TTC39B: variants seen among roughly 807,000 people sequenced by gnomAD.
TTC39B encodes tetratricopeptide repeat protein 39B.
Under a neutral mutation model 96.6 loss-of-function variants are expected in TTC39B, and 92 were observed. The ratio of observed to expected loss-of-function variants is 0.95; its 90% CI spans 0.80 to 1.13. The LOEUF is 1.13. TTC39B is among the 50% of genes most tolerant of loss of function. TTC39B has a pLI of 0.00. For synonymous variants in TTC39B, 367 were observed against 299.4 expected (o/e 1.23, Z -2.33); for missense variants, 955 against 809.3 (o/e 1.18, Z -2.18).
chr9:15,210,118 A>G (rs1334387008), exon 6 of TTC39B: 2 of 1,608,294 alleles, frequency 1.2e-6, no homozygotes, highest in Non-Finnish European at 1.7e-6. Context: ...GATCCTCTAG[A>G]AAGAAGACTT....
At chr9:15,303,889 C>A (rs1407902568) in intron 1 of TTC39B, among the ~76,000 whole-genome samples, 6 of 152,164 alleles carry the variant, frequency 3.9e-5, no homozygotes, top group Non-Finnish European at 8.8e-5. Context: ...CCCGCCTCAG[C>A]CTCCCAAAGT....
chr9:15,214,399 C>T (rs1303409518), intron 3 of TTC39B, 150 bp from the exon 4 acceptor site: 2 of 607,162 alleles, frequency 3.3e-6, no homozygotes, highest in South Asian at 2.3e-5. Flanking sequence ...GGAGACAGGA[C>T]AGGCTGGTTA....
intron 2 of TTC39B, among the ~76,000 whole-genome samples, chr9:15,230,212 C>A (rs1821347130): frequency 6.6e-6 from 1 of 152,128 alleles, no homozygotes; most frequent in African/African-American, 2.4e-5. Flanking sequence ...ACGGCTCTAA[C>A]TTTTAAGTTT....
chr9:15,284,060 T>C (rs2131588455), intron 1 of TTC39B, among the ~76,000 whole-genome samples: 1 of 152,300 alleles, frequency 6.6e-6, no homozygotes, highest in African/African-American at 2.4e-5. Context: ...AAACAATTAC[T>C]ATTTAGAATA....
intron 2 of TTC39B, among the ~76,000 whole-genome samples, chr9:15,257,454 A>C (rs1318435502): frequency 6.6e-6 from 1 of 150,848 alleles, no homozygotes; most frequent in East Asian, 1.9e-4. Flanking sequence ...GTCATATTAA[A>C]AATTTTTTTT....
At chr9:15,246,554 G>T (rs923847539) in intron 2 of TTC39B, among the ~76,000 whole-genome samples, 1 of 152,176 alleles carries the variant, frequency 6.6e-6, no homozygotes, top group Admixed American at 6.5e-5. Flanking sequence ...AATCAAGGTG[G>T]TCTCTGTGAC....
intron 1 of TTC39B, among the ~76,000 whole-genome samples, chr9:15,280,597 G>T (rs1823724368): frequency 6.6e-6 from 1 of 152,182 alleles, no homozygotes; most frequent in African/African-American, 2.4e-5. Flanking sequence ...ACTATGTGTG[G>T]CCCGAACAGT....
rs599999 is a variant in TTC39B at position 15,187,153 on chromosome 9, C to A, written c.1396-118G>T. The A allele has an allele frequency of 4.6e-3, 3,142 of 680,792 alleles. 80 individuals are homozygous for A. The African/African-American group carries it at 0.05, about 11-fold the overall frequency. 42.2% of individuals were successfully genotyped at this position (680,792 alleles called of 1,614,324 possible). A position where few individuals can be genotyped will look rare whatever the true frequency, so the allele number is the denominator to read the frequency against. On this transcript the variant is annotated intron_variant, in intron 14 of 19. Transcript: ENST00000512701. Reference sequence around the variant, plus strand: ...ATAAAATTAGAGGCATTAAAGAAATCAGAGGAAATGAAATCTTATATTCCC... The same window carrying A: ...ATAAAATTAGAGGCATTAAAGAAATAAGAGGAAATGAAATCTTATATTCCC...
At chr9:15,221,540 G>A (rs1586904382) in intron 3 of TTC39B, among the ~76,000 whole-genome samples, 1 of 151,940 alleles carries the variant, frequency 6.6e-6, no homozygotes, top group Non-Finnish European at 1.5e-5. Context: ...CTGCCCTGGT[G>A]CTGGAATGAG....
exon 20 of TTC39B, chr9:15,165,868 A>G (rs1413184228): frequency 6.6e-6 from 1 of 152,242 alleles, no homozygotes; most frequent in Admixed American, 6.5e-5. Flanking sequence ...CAACCAAACC[A>G]TATCAACCAC....
chr9:15,178,909 G>A (rs1345690461), intron 17 of TTC39B, among the ~76,000 whole-genome samples: 1 of 152,118 alleles, frequency 6.6e-6, no homozygotes, highest in African/African-American at 2.4e-5. Context: ...AGATCATTAT[G>A]TTTACAACTT....
intron 2 of TTC39B, chr9:15,232,303 A>G (rs1346696752): frequency 6.6e-6 from 1 of 152,668 alleles, no homozygotes; most frequent in East Asian, 1.9e-4. Flanking sequence ...AAGCGAACCC[A>G]AAAGACCCTA....
rs116394088 is a variant in TTC39B, at chr9:15,185,591, G to C, written c.1488-185C>G. On this transcript the variant is annotated intron_variant, in intron 15 of 19. Coordinates refer to ENST00000512701, the Ensembl canonical transcript of TTC39B. ...CTACTGAATCAGCAACTCCAGGGCC[G>C]GGGCCGAGCAATCTAGATTTTGATA... 4.3e-5 allele frequency: 33 copies of C among 771,894 alleles called. No individual in the cohort carries two copies. In the South Asian group the frequency reaches 5.9e-4, roughly 14 times the overall value. The allele number at this position is 771,894 out of a possible 1,614,324, so 47.8% of individuals were successfully genotyped here. A position where few individuals can be genotyped will look rare whatever the true frequency, so the allele number is the denominator to read the frequency against.
At chr9:15,252,941 C>T (rs1406939254) in intron 2 of TTC39B, among the ~76,000 whole-genome samples, 1 of 152,180 alleles carries the variant, frequency 6.6e-6, no homozygotes, top group African/African-American at 2.4e-5. Flanking sequence ...AAAATTCTGA[C>T]AATGCAAAAC....
intron 2 of TTC39B, 35 bp from the exon 3 acceptor site, chr9:15,226,047 T>C: frequency 6.3e-7 from 1 of 1,599,426 alleles, no homozygotes; most frequent in Non-Finnish European, 8.6e-7. Context: ...GGTTTTTTAT[T>C]TCTTTGTCCT....
intron 2 of TTC39B, among the ~76,000 whole-genome samples, chr9:15,250,675 T>TGA (rs1822494928): frequency 6.6e-6 from 1 of 152,186 alleles, no homozygotes; most frequent in African/African-American, 2.4e-5. Context: ...TGAAGTGGTT[T>TGA]TGATGAAACT....
intron 2 of TTC39B, among the ~76,000 whole-genome samples, chr9:15,261,934 C>A (rs1461405447): frequency 6.6e-6 from 1 of 152,106 alleles, no homozygotes; most frequent in African/African-American, 2.4e-5. Flanking sequence ...CAGCATGGAA[C>A]TGTTAAATAA....
intron 1 of TTC39B, among the ~76,000 whole-genome samples, chr9:15,280,392 C>T (rs553537880): frequency 2.0e-5 from 3 of 152,330 alleles, no homozygotes; most frequent in Admixed American, 6.5e-5. Context: ...CATCAGGTTT[C>T]CTTCCCTACC....
chr9:15,221,046 C>A (rs150236064), intron 3 of TTC39B, among the ~76,000 whole-genome samples: 1 of 152,126 alleles, frequency 6.6e-6, no homozygotes, highest in African/African-American at 2.4e-5. Flanking sequence ...TGGTGATGAC[C>A]GCATAGCTAG....
Sources: gnomAD v4.1 joint callset for allele counts (sites outside exome capture counted in the v4.1 genomes callset) on GRCh38, gnomAD v4.1.1 for gene constraint, MANE v1.5 for transcripts, NCBI Gene and HGNC (gene_info 2026-07-23, HGNC 2026-07-21) for gene names.